SARS1: variants seen among roughly 807,000 people sequenced by gnomAD.
SARS1 encodes the protein seryl-tRNA synthetase 1, also known as serine--tRNA ligase, cytoplasmic.
In SARS1, 25 loss-of-function variants were observed where a neutral mutation model predicts 63.7. That is an observed-to-expected ratio of 0.39 (90% confidence interval 0.29 to 0.55). The LOEUF is 0.55. Ranked by LOEUF, SARS1 falls within the 20% of genes least tolerant of loss-of-function variation. The probability of loss-of-function intolerance (pLI) is 0.62; values close to 1 mark genes in which losing one functional copy is unlikely to be tolerated. For missense variants in SARS1, 417 were observed against 649.7 expected (o/e 0.64, Z 3.89); for synonymous variants, 231 against 243.5 (o/e 0.95, Z 0.48).
chr1:109,234,333 T>G (rs570203947), intron 6 of SARS1, among the ~76,000 whole-genome samples: 2 of 152,320 alleles, frequency 1.3e-5, no homozygotes, highest in East Asian at 3.9e-4. Flanking sequence ...CACCTTTTTA[T>G]GTATCATTAT....
At chr1:109,222,984 C>T (rs946188637) in intron 1 of SARS1, among the ~76,000 whole-genome samples, 1 of 152,204 alleles carries the variant, frequency 6.6e-6, no homozygotes, top group African/African-American at 2.4e-5. Context: ...CACTGCACTC[C>T]AGCCTAGGTG....
intron 1 of SARS1, among the ~76,000 whole-genome samples, chr1:109,222,006 ATATATT>A (rs1654956303): frequency 4.5e-4 from 5 of 11,100 alleles, no homozygotes; most frequent in Admixed American, 2.1e-3. Flanking sequence ...ATATATATAT[ATATATT>A]TTTTTTTTTT....
At position 109,236,850 on chromosome 1, in the gene SARS1, T is replaced by TC. The variant is rs776289496; in HGVS notation, c.1257+305dup. 5.0e-6 allele frequency: 8 copies of TC among 1,602,012 alleles called. No homozygotes were observed. In the Admixed American group the frequency reaches 5.1e-5, roughly 10 times the overall value. ...ATCTACACAGAACAAGTTGGAGGCT[T>TC]CCCTCTTCTCACCCAAGAAGGTCTG... On this transcript the variant is annotated intron_variant, in intron 9 of 10. Transcript: ENST00000234677.
At position 109,237,706 on chromosome 1, in the gene SARS1, C is replaced by A; in HGVS notation, c.1388-25C>A. The A allele has an allele frequency of 6.2e-7, 1 of 1,612,406 alleles. No individual in the cohort carries two copies. The highest frequency in any genetic ancestry group is 1.3e-5 in the African/African-American group (1 of 74,896). On this transcript the variant is annotated intron_variant, in intron 10 of 10. Transcript: ENST00000234677. This position sits in a 1 kb window ranked among gnomAD's most constrained non-coding sequence, Gnocchi z 4.1. The stretch of plus-strand genomic sequence containing the variant: ...TTTGACTCACTGAGAAACAACAGGT[C>A]ATTTGGTTGGCTCTTCCCTCCCAGG...
rs542144392 is a variant in SARS1 at position 109,235,128 on chromosome 1, T to C, written c.748-82T>C. On this transcript the variant is annotated intron_variant, in intron 6 of 10. Coordinates refer to ENST00000234677, the MANE Select transcript of SARS1 (RefSeq NM_006513.4). This position sits in a 1 kb window ranked among gnomAD's most constrained non-coding sequence, Gnocchi z 4.7. The stretch of plus-strand genomic sequence containing the variant: ...AAAGGAAATTTTTCCTGCACTATTA[T>C]TGATCTCTTTCTTGTGGTTTCTTAT... 1.8e-6 allele frequency: 2 copies of C among 1,115,754 alleles called. No individual in the cohort carries two copies. Among genetic ancestry groups the C allele is most frequent in the East Asian group, 2.4e-5 (1 of 42,352 alleles). The allele number at this position is 1,115,754 out of a possible 1,614,324, so 69.1% of individuals were successfully genotyped here. A position where few individuals can be genotyped will look rare whatever the true frequency, so the allele number is the denominator to read the frequency against.
chr1:109,231,554 G>T (rs1420621662), intron 5 of SARS1, 77 bp from the exon 6 acceptor site: 1 of 1,263,358 alleles, frequency 7.9e-7, no homozygotes, highest in Non-Finnish European at 1.0e-6. Context: ...TGGCCCAGGT[G>T]CCTTTAGGTG....
chr1:109,236,384 C>T lies in SARS1; in HGVS notation c.1100-7C>T, dbSNP rs796900321. ...CCTTCATGAATTCTAGGGGTTTTTC[C>T]TTACAGGTTCTTTGAATCATGCTGC... On this transcript the variant is annotated splice_polypyrimidine_tract_variant and splice_region_variant and intron_variant, in intron 8 of 10. Transcript: ENST00000234677. 3.2e-6 allele frequency: 5 copies of T among 1,586,202 alleles called. No homozygotes were observed. The African/African-American group carries it at 4.1e-5, about 13-fold the overall frequency.
chr1:109,225,180 A>G (rs995640470), intron 2 of SARS1, among the ~76,000 whole-genome samples: 1 of 152,202 alleles, frequency 6.6e-6, no homozygotes, highest in African/African-American at 2.4e-5. Flanking sequence ...CCTCAAAACT[A>G]AACAACAACA....
intron 1 of SARS1, among the ~76,000 whole-genome samples, chr1:109,219,262 C>CATATATATATATATATAT (rs142272817): frequency 0.079 from 5,903 of 75,170 alleles, 464 homozygotes; most frequent in Non-Finnish European, 0.11. Context: ...CAAGACTCTC[C>CATATATATATATATATAT]ATATATATAT....
At chr1:109,232,746 G>GT (rs1655234268) in intron 6 of SARS1, among the ~76,000 whole-genome samples, 1 of 152,106 alleles carries the variant, frequency 6.6e-6, no homozygotes, top group Non-Finnish European at 1.5e-5. Context: ...GCTAAAACCT[G>GT]TTTTACCTTT....
At position 109,231,219 on chromosome 1, in the gene SARS1, T is replaced by G. The variant is rs527479606; in HGVS notation, c.591+198T>G. On this transcript the variant is annotated intron_variant, in intron 5 of 10. Transcript: ENST00000234677. The stretch of plus-strand genomic sequence containing the variant: ...TAAAGCAAGAGAGGGCTTATCAGGA[T>G]TCCGTAGAACAAAAGCCACTAAGTG... 8.2e-5 allele frequency: 25 copies of G among 305,086 alleles called. No homozygotes were observed. The East Asian group carries it at 1.4e-3, about 17-fold the overall frequency. The allele number at this position is 305,086 out of a possible 1,614,324, so 18.9% of individuals were successfully genotyped here.
chr1:109,232,079 G>T (rs180772379), intron 6 of SARS1, among the ~76,000 whole-genome samples: 26 of 152,254 alleles, frequency 1.7e-4, no homozygotes, highest in Middle Eastern at 3.4e-3. Flanking sequence ...AAGCATACTT[G>T]AACACCATGA....
At position 109,237,659 on chromosome 1, in the gene SARS1, TTC is replaced by T. The variant is rs1224942168; in HGVS notation, c.1388-69_1388-68del. ...TCAAAGGGATCATTGTCTTGTTGAA[TTC>T]TCCCCAGAGGTCTTAGGGCTTTGAC... On this transcript the variant is annotated intron_variant, in intron 10 of 10. Coordinates refer to ENST00000234677, the MANE Select transcript of SARS1 (RefSeq NM_006513.4). The surrounding 1 kb of genome is among the most constrained non-coding windows in gnomAD (Gnocchi z 4.1). 1.4e-5 allele frequency: 22 copies of T among 1,529,580 alleles called. No homozygotes were observed. In the African/African-American group the frequency reaches 2.9e-4, roughly 20 times the overall value. 94.8% of individuals were successfully genotyped at this position (1,529,580 alleles called of 1,614,324 possible).
intron 2 of SARS1, among the ~76,000 whole-genome samples, chr1:109,228,133 CA>C (rs1655131827): frequency 6.6e-6 from 1 of 152,128 alleles, no homozygotes; most frequent in Non-Finnish European, 1.5e-5. Context: ...ATTTTAGGAT[CA>C]AAAAGCTATT....
At position 109,214,927 on chromosome 1, in the gene SARS1, C is replaced by G; in HGVS notation, c.136+799C>G. ...ACCATAGAACCATCTGCCCATAAAT[C>G]TCTGCCTGTATTAACTGGAGTGGTC... is the stretch of plus-strand genomic sequence containing the variant. On this transcript the variant is annotated intron_variant, in intron 1 of 10. Coordinates refer to ENST00000234677, the MANE Select transcript of SARS1 (RefSeq NM_006513.4). This position sits in a 1 kb window ranked among gnomAD's most constrained non-coding sequence, Gnocchi z 4.6. The G allele has an allele frequency of 1.0e-6, 1 of 985,460 alleles. No homozygotes were observed. The highest frequency in any genetic ancestry group is 4.7e-5 in the South Asian group (1 of 21,288). The allele number at this position is 985,460 out of a possible 1,614,324, so 61.0% of individuals were successfully genotyped here.
In SARS1 at chr1:109,235,802, G is replaced by C. The variant is rs910618611; in HGVS notation, c.970-175G>C. 2.0e-5 allele frequency among the ~76,000 whole-genome samples: 3 copies of C among 152,158 alleles called. No homozygotes were observed. The highest frequency in any genetic ancestry group is 7.2e-5 in the African/African-American group (3 of 41,430). On this transcript the variant is annotated intron_variant, in intron 7 of 10. Transcript: ENST00000234677. This position sits in a 1 kb window ranked among gnomAD's most constrained non-coding sequence, Gnocchi z 4.7. ...TCAGAACAGGGGCTGGCATGCATAC[G>C]GGAAGCTCGCACCATAAGCATTTGC... is the stretch of plus-strand genomic sequence containing the variant.
At chr1:109,223,372 C>T (rs970571222) in intron 1 of SARS1, among the ~76,000 whole-genome samples, 1 of 152,310 alleles carries the variant, frequency 6.6e-6, no homozygotes, top group Middle Eastern at 3.4e-3. Context: ...ACTTGAGTGT[C>T]TTCCAAGTTT....
Position 109,235,188 on chromosome 1 carries a change from G to A in SARS1, c.748-22G>A. 1 of 1,589,902 alleles carries A rather than the reference G, an allele frequency of 6.3e-7. No homozygotes were observed. The highest frequency in any genetic ancestry group is 8.6e-7 in the Non-Finnish European group (1 of 1,158,092). On this transcript the variant is annotated intron_variant, in intron 6 of 10. Coordinates refer to ENST00000234677, the MANE Select transcript of SARS1 (RefSeq NM_006513.4). This position sits in a 1 kb window ranked among gnomAD's most constrained non-coding sequence, Gnocchi z 4.7. ...GGTCCTCCCCACTTCCTCTTAACTG[G>A]TATAGCTCCTTCCTTCCACAGGTGA...
Position 109,214,708 on chromosome 1 carries a change from G to C in SARS1, c.136+580G>C, listed in dbSNP as rs544806592. 1.0e-6 allele frequency: 1 copy of C among 985,482 alleles called. No homozygotes were observed. The highest frequency in any genetic ancestry group is 1.7e-5 in the African/African-American group (1 of 57,350). 61.0% of individuals were successfully genotyped at this position (985,482 alleles called of 1,614,324 possible). A position where few individuals can be genotyped will look rare whatever the true frequency, so the allele number is the denominator to read the frequency against. On this transcript the variant is annotated intron_variant, in intron 1 of 10. Coordinates refer to ENST00000234677, the MANE Select transcript of SARS1 (RefSeq NM_006513.4). This position sits in a 1 kb window ranked among gnomAD's most constrained non-coding sequence, Gnocchi z 4.6. Reference sequence around the variant, plus strand: ...CCCCGACCTATGGGCATACCTTTAAGAATTAGAAAAGTCTTTTCCGTGGTA... The same window carrying C: ...CCCCGACCTATGGGCATACCTTTAACAATTAGAAAAGTCTTTTCCGTGGTA...
Sources: gnomAD v4.1 joint callset for allele counts (sites outside exome capture counted in the v4.1 genomes callset) on GRCh38, gnomAD v4.1.1 for gene constraint, Gnocchi (gnomAD v3.1) non-coding constraint, MANE v1.5 for transcripts, NCBI Gene and HGNC (gene_info 2026-07-23, HGNC 2026-07-21) for gene names.